WDR70: variants seen among roughly 807,000 people sequenced by gnomAD.
The protein encoded by WDR70 is WD repeat domain 70, also known as WD repeat-containing protein 70.
In WDR70, 53 loss-of-function variants were observed where a neutral mutation model predicts 88.6. That is an observed-to-expected ratio of 0.60 (90% CI 0.48 to 0.75). The LOEUF is 0.75. Among genes scored for constraint, WDR70 ranks in the 30% least tolerant of loss-of-function variants. The pLI, the probability that WDR70 is intolerant of heterozygous loss-of-function variation, is 0.00. For missense variants in WDR70, 610 were observed against 823.2 expected (o/e 0.74, Z 3.17); for synonymous variants, 280 against 270.0 (o/e 1.04, Z -0.36).
chr5:37,746,155 A>G (rs1026645753), intron 17 of WDR70, among the ~76,000 whole-genome samples: 1 of 152,226 alleles, frequency 6.6e-6, no homozygotes, highest in Admixed American at 6.5e-5. Context: ...TGGAAATTGA[A>G]TAACCTGCTC....
In WDR70 at chr5:37,684,645, G is replaced by A. The variant is rs532052223; in HGVS notation, c.1093-13010G>A. On this transcript the variant is annotated intron_variant, in intron 10 of 17. Transcript: ENST00000265107. ...TATCACAACCTGATTTTGTTTTCTGGCTCCTTGAGATTAGGAACCCATTGT... is the reference window on the plus strand; with the variant it reads ...TATCACAACCTGATTTTGTTTTCTGACTCCTTGAGATTAGGAACCCATTGT... Among the ~76,000 whole-genome samples the A allele has an allele frequency of 2.0e-5, 3 of 152,270 alleles. No individual in the cohort carries two copies. The East Asian group carries it at 5.8e-4, about 29-fold the overall frequency.
intron 9 of WDR70, among the ~76,000 whole-genome samples, chr5:37,547,369 T>C (rs1009270611): frequency 1.3e-4 from 20 of 152,240 alleles, no homozygotes; most frequent in Non-Finnish European, 2.9e-4. Flanking sequence ...CATATTATAA[T>C]AAGTGGGTTT....
intron 11 of WDR70, chr5:37,700,215 G>A (rs951307036): frequency 1.3e-5 from 2 of 152,204 alleles, no homozygotes; most frequent in Non-Finnish European, 2.9e-5. Flanking sequence ...GGTCTCAGCT[G>A]TGGGCACTGG....
intron 9 of WDR70, among the ~76,000 whole-genome samples, chr5:37,594,430 G>A (rs1033244361): frequency 1.1e-4 from 16 of 152,070 alleles, no homozygotes; most frequent in East Asian, 7.7e-4. Context: ...TTTTTGTCAG[G>A]TTTGTCAAAG....
At chr5:37,611,502 C>T (rs1412939791) in intron 10 of WDR70, among the ~76,000 whole-genome samples, 2 of 151,616 alleles carry the variant, frequency 1.3e-5, no homozygotes, top group Admixed American at 6.6e-5. Flanking sequence ...ATCTAAACTC[C>T]CTAAATTGAG....
At chr5:37,731,152 T>C (rs899484061) in intron 17 of WDR70, among the ~76,000 whole-genome samples, 2 of 152,090 alleles carry the variant, frequency 1.3e-5, no homozygotes, top group Non-Finnish European at 2.9e-5. Context: ...TCATTGGTGA[T>C]GGTTGGAGGT....
intron 5 of WDR70, among the ~76,000 whole-genome samples, chr5:37,434,962 C>T (rs1249665302): frequency 6.6e-6 from 1 of 152,176 alleles, no homozygotes; most frequent in East Asian, 1.9e-4. Context: ...AAAGAACAGT[C>T]ACCATCAAGT....
chr5:37,415,578 C>G (rs1749695013), intron 5 of WDR70, among the ~76,000 whole-genome samples: 1 of 138,234 alleles, frequency 7.2e-6, no homozygotes, highest in Non-Finnish European at 1.6e-5. Flanking sequence ...CCCCCCACCT[C>G]CCTCCCGGAC....
At chr5:37,562,988 C>T (rs1437404719) in intron 9 of WDR70, among the ~76,000 whole-genome samples, 13 of 144,946 alleles carry the variant, frequency 9.0e-5, no homozygotes, top group South Asian at 7.0e-4. Context: ...GGGTGGTGGC[C>T]GGGCAGAGGG....
At chr5:37,665,647 T>A (rs1745818582) in intron 10 of WDR70, among the ~76,000 whole-genome samples, 1 of 152,216 alleles carries the variant, frequency 6.6e-6, no homozygotes, top group Non-Finnish European at 1.5e-5. Flanking sequence ...CTTGACTTTG[T>A]TTCTCACATC....
chr5:37,404,563 C>A (rs1460990259), intron 5 of WDR70, among the ~76,000 whole-genome samples: 1 of 152,148 alleles, frequency 6.6e-6, no homozygotes, highest in Non-Finnish European at 1.5e-5. Flanking sequence ...CCATAAGCTC[C>A]TGGTTTTTTG....
chr5:37,534,668 T>C (rs1226038607), intron 9 of WDR70, among the ~76,000 whole-genome samples: 2 of 152,028 alleles, frequency 1.3e-5, no homozygotes, highest in Admixed American at 6.6e-5. Flanking sequence ...TGGCTAATTT[T>C]TGTATTTTTA....
At chr5:37,705,896 GACACAT>G (rs1334761491) in intron 13 of WDR70, among the ~76,000 whole-genome samples, 1 of 151,994 alleles carries the variant, frequency 6.6e-6, no homozygotes, top group Non-Finnish European at 1.5e-5. Flanking sequence ...TCATTTACTG[GACACAT>G]ATAATTGGTT....
At chr5:37,675,175 T>G (rs1397643803) in intron 10 of WDR70, among the ~76,000 whole-genome samples, 1 of 151,998 alleles carries the variant, frequency 6.6e-6, no homozygotes. Flanking sequence ...TTCTCCCATT[T>G]TGTAGGTTGC....
chr5:37,390,866 G>A (rs953970716), intron 3 of WDR70, among the ~76,000 whole-genome samples: 1 of 151,926 alleles, frequency 6.6e-6, no homozygotes, highest in South Asian at 2.1e-4. Flanking sequence ...AAAGGCATGC[G>A]CTACCACGCC....
intron 7 of WDR70, among the ~76,000 whole-genome samples, chr5:37,463,604 C>A (rs977812594): frequency 6.6e-6 from 1 of 152,226 alleles, no homozygotes. Flanking sequence ...TGCAATGTCA[C>A]TAAGCCTTCC....
chr5:37,633,447 T>C (rs1475163478), intron 10 of WDR70, among the ~76,000 whole-genome samples: 1 of 151,904 alleles, frequency 6.6e-6, no homozygotes, highest in African/African-American at 2.4e-5. Flanking sequence ...AACATTTTGC[T>C]GAGTTTAAAC....
chr5:37,622,899 AAAG>A (rs1744554832), intron 10 of WDR70, among the ~76,000 whole-genome samples: 1 of 152,194 alleles, frequency 6.6e-6, no homozygotes, highest in South Asian at 2.1e-4. Context: ...AATAATAAAA[AAAG>A]AAACATTCTA....
intron 5 of WDR70, among the ~76,000 whole-genome samples, chr5:37,402,255 A>T (rs1212544453): frequency 6.6e-6 from 1 of 151,244 alleles, no homozygotes; most frequent in African/African-American, 2.4e-5. Context: ...ACTGCATGTG[A>T]CATGATTTTA....
Sources: gnomAD v4.1 joint callset for allele counts (sites outside exome capture counted in the v4.1 genomes callset) on GRCh38, gnomAD v4.1.1 for gene constraint, MANE v1.5 for transcripts, NCBI Gene and HGNC (gene_info 2026-07-23, HGNC 2026-07-21) for gene names.